ADGRL3: variants seen among roughly 807,000 people sequenced by gnomAD.
ADGRL3 encodes the protein adhesion G protein-coupled receptor L3.
ADGRL3 carries 62 observed loss-of-function variants against 153.5 expected under a neutral mutation model. The ratio of observed to expected loss-of-function variants is 0.40; its 90% confidence interval spans 0.33 to 0.50. The LOEUF is 0.50. Among genes scored for constraint, ADGRL3 ranks in the 20% least tolerant of loss-of-function variants. The probability of loss-of-function intolerance (pLI) is 0.47; values close to 1 mark genes in which losing one functional copy is unlikely to be tolerated. For missense variants in ADGRL3, 1,641 were observed against 1,859.4 expected, an observed-to-expected ratio of 0.88 and a Z score of 2.16; for synonymous variants, 710 against 672.5, an observed-to-expected ratio of 1.06 and a Z score of -0.86.
chr4:61,870,423 G>A (rs983373912), intron 9 of ADGRL3, among the ~76,000 whole-genome samples: 3 of 152,084 alleles, frequency 2.0e-5, no homozygotes, highest in Admixed American at 6.5e-5. Context: ...AACACCAACA[G>A]CACAAGCAAC....
At chr4:61,294,884 TACAC>T (rs3035669) in intron 1 of ADGRL3, among the ~76,000 whole-genome samples, 2,159 of 105,220 alleles carry the variant, frequency 0.021, 33 homozygotes, top group Middle Eastern at 0.047. Flanking sequence ...AATTAAATTT[TACAC>T]ACACACACAC....
chr4:61,599,825 A>G (rs569758644), intron 5 of ADGRL3, among the ~76,000 whole-genome samples: 1 of 152,256 alleles, frequency 6.6e-6, no homozygotes, highest in East Asian at 1.9e-4. Context: ...GCCACTTCTG[A>G]GGCCTTCATT....
intron 1 of ADGRL3, among the ~76,000 whole-genome samples, chr4:61,338,363 AAGTT>A (rs368187992): frequency 2.0e-5 from 3 of 151,130 alleles, no homozygotes; most frequent in Admixed American, 6.6e-5. Context: ...TGGTTCTCAA[AAGTT>A]AGTATGATTA....
At chr4:61,403,446 A>G (rs372041358) in intron 2 of ADGRL3, among the ~76,000 whole-genome samples, 5 of 152,118 alleles carry the variant, frequency 3.3e-5, no homozygotes, top group East Asian at 3.9e-4. Flanking sequence ...CTCATAACCC[A>G]GAGAGATTCT....
At chr4:61,849,070 A>G (rs994174110) in intron 9 of ADGRL3, among the ~76,000 whole-genome samples, 2 of 152,178 alleles carry the variant, frequency 1.3e-5, no homozygotes, top group African/African-American at 4.8e-5. Flanking sequence ...TGAAGTTATG[A>G]TAGCAGTAAC....
intron 5 of ADGRL3, among the ~76,000 whole-genome samples, chr4:61,618,226 A>T (rs2092218214): frequency 2.0e-5 from 3 of 152,200 alleles, no homozygotes; most frequent in Non-Finnish European, 2.9e-5. Flanking sequence ...AATCTCTGAG[A>T]TTGGAAATAG....
intron 4 of ADGRL3, among the ~76,000 whole-genome samples, chr4:61,552,272 A>C (rs1027904513): frequency 1.3e-4 from 20 of 152,088 alleles, no homozygotes; most frequent in African/African-American, 4.8e-4. Context: ...TTTACTTTTT[A>C]ATCTATAGTT....
chr4:61,460,230 G>T (rs1019916320), intron 2 of ADGRL3, among the ~76,000 whole-genome samples: 3 of 151,948 alleles, frequency 2.0e-5, no homozygotes, highest in Admixed American at 1.3e-4. Flanking sequence ...TAAGTCTTTA[G>T]AGTTGATTTT....
intron 8 of ADGRL3, among the ~76,000 whole-genome samples, chr4:61,799,945 G>T (rs550696933): frequency 1.3e-5 from 2 of 152,252 alleles, no homozygotes; most frequent in Admixed American, 1.3e-4. Context: ...AGAAACTGAA[G>T]CTGAGAGATC....
chr4:61,471,873 CATG>C (rs1396087959), intron 2 of ADGRL3, among the ~76,000 whole-genome samples: 2 of 151,760 alleles, frequency 1.3e-5, no homozygotes, highest in South Asian at 2.1e-4. Context: ...CTCCAAATGT[CATG>C]ATTACAGAAG....
chr4:61,740,031 AAGAACC>A (rs2096564613), intron 8 of ADGRL3, among the ~76,000 whole-genome samples: 1 of 152,200 alleles, frequency 6.6e-6, no homozygotes, highest in Non-Finnish European at 1.5e-5. Flanking sequence ...ATTTTGTCTA[AAGAACC>A]AGTGATTCAG....
chr4:61,993,354 A>G (rs1223447619), intron 19 of ADGRL3, among the ~76,000 whole-genome samples: 3 of 128,202 alleles, frequency 2.3e-5, no homozygotes, highest in Admixed American at 9.8e-5. Context: ...GTGTAACGGC[A>G]TGATCTTGGC....
In ADGRL3 at chr4:62,072,677, T is replaced by G. The variant is rs935942248; in HGVS notation, c.*1769T>G. On this transcript the variant is annotated 3_prime_UTR_variant, in exon 27 of 27. Coordinates refer to ENST00000683033, the MANE Select transcript of ADGRL3 (RefSeq NM_001387552.1). ...TTTATTTTGGATGAAATCAGATGCA[T>G]AACTTAATGTTGAGCAGGTTAACAT... 6.6e-6 allele frequency: 1 copy of G among 152,170 alleles called. No individual in the cohort carries two copies. Among genetic ancestry groups the G allele is most frequent in the African/African-American group, 2.4e-5 (1 of 41,462 alleles). The allele number at this position is 152,170 out of a possible 1,614,324, so 9.4% of individuals were successfully genotyped here.
At chr4:61,497,425 T>C in intron 3 of ADGRL3, 77 bp downstream of exon 3, 1 of 827,504 alleles carries the variant, frequency 1.2e-6, no homozygotes. Flanking sequence ...TGGGATCTTT[T>C]CTCTGAGACT....
At chr4:61,785,464 T>C (rs2097265774) in intron 8 of ADGRL3, among the ~76,000 whole-genome samples, 1 of 152,160 alleles carries the variant, frequency 6.6e-6, no homozygotes, top group Non-Finnish European at 1.5e-5. Flanking sequence ...TATTGTTACC[T>C]ACCTTCTAAC....
intron 5 of ADGRL3, among the ~76,000 whole-genome samples, chr4:61,669,279 G>T (rs998689458): frequency 6.6e-5 from 10 of 151,938 alleles, no homozygotes; most frequent in Non-Finnish European, 1.3e-4. Flanking sequence ...CCATTAGATA[G>T]TTGTCTCATC....
chr4:61,488,311 A>T (rs567865238), intron 2 of ADGRL3, among the ~76,000 whole-genome samples: 1 of 152,028 alleles, frequency 6.6e-6, no homozygotes, highest in Non-Finnish European at 1.5e-5. Flanking sequence ...TTATAAGGGG[A>T]AGTGCCTTTT....
chr4:61,639,349 A>G (rs565695724), intron 5 of ADGRL3, among the ~76,000 whole-genome samples: 2 of 152,278 alleles, frequency 1.3e-5, no homozygotes, highest in African/African-American at 4.8e-5. Context: ...GTAGTATATG[A>G]ATAAATGCCA....
intron 1 of ADGRL3, among the ~76,000 whole-genome samples, chr4:61,304,127 A>G (rs2094683660): frequency 6.6e-6 from 1 of 152,352 alleles, no homozygotes; most frequent in Middle Eastern, 3.4e-3. Flanking sequence ...TGATAATTGT[A>G]GAATATTTGT....
Sources: allele counts gnomAD v4.1 joint callset (sites outside exome capture counted in the v4.1 genomes callset), GRCh38; gene constraint gnomAD v4.1.1; transcripts MANE v1.5; gene names NCBI Gene and HGNC (gene_info 2026-07-23, HGNC 2026-07-21).